Variants in AJAP1 observed in about 807,000 individuals in gnomAD.
The protein encoded by AJAP1 is adherens junctions associated protein 1.
In AJAP1, 5 loss-of-function variants were observed where a neutral mutation model predicts 35.0. That is an observed-to-expected ratio of 0.14 (90% CI 0.07 to 0.30). The LOEUF (loss-of-function observed/expected upper bound fraction) is 0.30, where lower values mean the gene tolerates loss of function less well. Among genes scored for constraint, AJAP1 ranks in the 10% least tolerant of loss-of-function variants. The pLI, the probability that AJAP1 is intolerant of heterozygous loss-of-function variation, is 1.00. For missense variants in AJAP1, 586 were observed against 571.0 expected (o/e 1.03, Z -0.27); for synonymous variants, 284 against 249.3 (o/e 1.14, Z -1.31).
chr1:4,661,507 G>A (rs1638998192), intron 1 of AJAP1, among the ~76,000 whole-genome samples: 1 of 152,198 alleles, frequency 6.6e-6, no homozygotes, highest in Non-Finnish European at 1.5e-5. Flanking sequence ...TGGGAGAGGT[G>A]GGATTTGAAC....
rs1327031504 is a variant in AJAP1, at chr1:4,655,440, G to A, written c.15G>A (p.Gln5=). 6.4e-7 allele frequency: 1 copy of A among 1,572,100 alleles called. No homozygotes were observed. The change falls in exon 1 of 6, where the codon CAG becomes CAA. Residue 5 remains glutamine, a synonymous_variant. Transcript: ENST00000378191. This position sits in a 1 kb window ranked among gnomAD's most constrained non-coding sequence, Gnocchi z 6.9. MWIQ[Q]LLGLSSMSIR... is the part of the protein sequence containing the mutation. Reference sequence around the variant, plus strand: ...GAAACGTGACCATGTGGATTCAACAGCTTTTAGGACTCAGGTGAGCGACCC... The same window carrying A: ...GAAACGTGACCATGTGGATTCAACAACTTTTAGGACTCAGGTGAGCGACCC...
At chr1:4,715,207 G>A (rs1208251586) in intron 2 of AJAP1, among the ~76,000 whole-genome samples, 1 of 152,194 alleles carries the variant, frequency 6.6e-6, no homozygotes, top group Non-Finnish European at 1.5e-5. Context: ...GACATCTAAG[G>A]CAGCAGAAGT....
intron 2 of AJAP1, among the ~76,000 whole-genome samples, chr1:4,749,580 G>C (rs543085767): frequency 5.3e-5 from 8 of 152,334 alleles, no homozygotes; most frequent in African/African-American, 1.9e-4. Flanking sequence ...TGGAGGCCAG[G>C]GGGAGGCAAG....
chr1:4,675,071 G>T (rs1436573680), intron 1 of AJAP1, among the ~76,000 whole-genome samples: 1 of 152,196 alleles, frequency 6.6e-6, no homozygotes, highest in East Asian at 1.9e-4. Flanking sequence ...CTGGAGAGCG[G>T]TGGGGGGGAA....
intron 2 of AJAP1, among the ~76,000 whole-genome samples, chr1:4,719,108 G>A (rs1319111786): frequency 6.6e-6 from 1 of 152,144 alleles, no homozygotes; most frequent in Non-Finnish European, 1.5e-5. Context: ...CGCTCACAGG[G>A]GAATGATTCT....
chr1:4,655,586 G>C lies in AJAP1; in HGVS notation c.29+132G>C. The stretch of plus-strand genomic sequence containing the variant: ...CCGCAAGCGGGCAACGGGGTGCACC[G>C]GTAGCCGGAAAGGGGCGCCCGCCCG... On this transcript the variant is annotated intron_variant, in intron 1 of 5. Transcript: ENST00000378191. The surrounding 1 kb of genome is among the most constrained non-coding windows in gnomAD (Gnocchi z 6.9). 1 of 1,183,784 alleles carries C rather than the reference G, an allele frequency of 8.4e-7. No individual in the cohort carries two copies. Among genetic ancestry groups the C allele is most frequent in the Non-Finnish European group, 1.1e-6 (1 of 878,022 alleles). The allele number at this position is 1,183,784 out of a possible 1,614,324, so 73.3% of individuals were successfully genotyped here. A position where few individuals can be genotyped will look rare whatever the true frequency, so the allele number is the denominator to read the frequency against.
At chr1:4,762,950 T>G (rs901869953) in intron 2 of AJAP1, among the ~76,000 whole-genome samples, 5 of 152,160 alleles carry the variant, frequency 3.3e-5, no homozygotes, top group Non-Finnish European at 7.3e-5. Context: ...GTTAGCCCCA[T>G]GACCTCTCTC....
At chr1:4,778,706 C>T (rs376396607) in intron 5 of AJAP1, among the ~76,000 whole-genome samples, 1 of 152,146 alleles carries the variant, frequency 6.6e-6, no homozygotes, top group Non-Finnish European at 1.5e-5. Flanking sequence ...AAGAGACTCC[C>T]TTCCCTGCAT....
intron 2 of AJAP1, among the ~76,000 whole-genome samples, chr1:4,733,308 G>C (rs1640842805): frequency 1.3e-5 from 2 of 151,932 alleles, no homozygotes; most frequent in African/African-American, 4.8e-5. Flanking sequence ...CCCAAGGCTG[G>C]ATGGCCCCAA....
chr1:4,699,757 G>A (rs1219877572), intron 1 of AJAP1, among the ~76,000 whole-genome samples: 2 of 152,106 alleles, frequency 1.3e-5, no homozygotes, highest in Non-Finnish European at 2.9e-5. Flanking sequence ...GTATTTTTAA[G>A]AGACTTCATT....
chr1:4,659,834 G>A (rs932145568), intron 1 of AJAP1, among the ~76,000 whole-genome samples: 5 of 152,192 alleles, frequency 3.3e-5, no homozygotes, highest in African/African-American at 1.2e-4. Flanking sequence ...AGACATGCCC[G>A]TCAATGTGCC....
In AJAP1 at chr1:4,783,489, A is replaced by G. The variant is rs1642107988; in HGVS notation, c.*1004A>G. ...TGTGTGTGTATATATATATATATAT[A>G]TATATATATATATATATATATGTTT... On this transcript the variant is annotated 3_prime_UTR_variant, in exon 6 of 6. Transcript: ENST00000378191. 1.5e-5 allele frequency: 2 copies of G among 135,212 alleles called. No homozygotes were observed. The highest frequency in any genetic ancestry group is 4.7e-4 in the South Asian group (2 of 4,212). 8.4% of individuals were successfully genotyped at this position (135,212 alleles called of 1,614,324 possible).
Position 4,726,957 on chromosome 1 carries a change from C to A in AJAP1, c.829+14258C>A, listed in dbSNP as rs551601982. ...AGGGCCAGGCTTGTCCCCTCTGTGT[C>A]CTCACTGTGGCTTCTGGGGGATGCG... On this transcript the variant is annotated intron_variant, in intron 2 of 5. Transcript: ENST00000378191. Among the ~76,000 whole-genome samples, 250 of 152,314 alleles carry A rather than the reference C, an allele frequency of 1.6e-3. 1 individual carries two copies. The Middle Eastern group carries it at 0.017, about 10-fold the overall frequency.
At chr1:4,736,173 G>A (rs532901783) in intron 2 of AJAP1, among the ~76,000 whole-genome samples, 3 of 152,360 alleles carry the variant, frequency 2.0e-5, no homozygotes, top group Admixed American at 6.5e-5. Context: ...CCCTGAGACC[G>A]TTGACAGAAA....
At chr1:4,669,438 G>A (rs888534909) in intron 1 of AJAP1, among the ~76,000 whole-genome samples, 2 of 152,206 alleles carry the variant, frequency 1.3e-5, no homozygotes, top group African/African-American at 4.8e-5. Flanking sequence ...CAAAGGAGAA[G>A]CAGGCACCTT....
intron 1 of AJAP1, among the ~76,000 whole-genome samples, chr1:4,665,386 C>G (rs998193730): frequency 6.6e-6 from 1 of 152,170 alleles, no homozygotes; most frequent in African/African-American, 2.4e-5. Context: ...AGCCCCGGTA[C>G]TGGGCTAATT....
At chr1:4,687,374 G>A (rs886362054) in intron 1 of AJAP1, among the ~76,000 whole-genome samples, 25 of 152,184 alleles carry the variant, frequency 1.6e-4, no homozygotes, top group Admixed American at 6.5e-4. Context: ...GTAAAAATGT[G>A]TAGAAATGCT....
chr1:4,736,506 T>C (rs148128832), intron 2 of AJAP1, among the ~76,000 whole-genome samples: 2,627 of 152,360 alleles, frequency 0.017, 67 homozygotes, highest in South Asian at 0.12. Context: ...CGATAATCTC[T>C]TCCTTCCTCA....
chr1:4,656,203 G>T lies in AJAP1; in HGVS notation c.29+749G>T, dbSNP rs950940010. On this transcript the variant is annotated intron_variant, in intron 1 of 5. Coordinates refer to ENST00000378191, the MANE Select transcript of AJAP1 (RefSeq NM_018836.4). The surrounding 1 kb of genome is among the most constrained non-coding windows in gnomAD (Gnocchi z 5.7). ...AAGAGGGGGTTCGAGCCTAGAGCCC[G>T]TGGTGGGGGTGTCCAGAAAGACCCT... Among the ~76,000 whole-genome samples the T allele has an allele frequency of 1.6e-4, 25 of 152,322 alleles. No homozygotes were observed. Among genetic ancestry groups the T allele is most frequent in the African/African-American group, 4.8e-4 (20 of 41,592 alleles).
Sources: allele counts gnomAD v4.1 joint callset (sites outside exome capture counted in the v4.1 genomes callset), GRCh38; gene constraint gnomAD v4.1.1; non-coding constraint Gnocchi (gnomAD v3.1); transcripts MANE v1.5; gene names NCBI Gene and HGNC (gene_info 2026-07-23, HGNC 2026-07-21).